DPP6: variants seen among roughly 807,000 people sequenced by gnomAD.
The protein encoded by DPP6 is A-type potassium channel modulatory protein DPP6.
Under a neutral mutation model 122.6 loss-of-function variants are expected in DPP6, and 69 were observed. The ratio of observed to expected loss-of-function variants is 0.56; its 90% CI spans 0.46 to 0.69. The LOEUF is 0.69. Among genes scored for constraint, DPP6 ranks in the 30% least tolerant of loss-of-function variants. The probability of loss-of-function intolerance (pLI) is 0.00; values close to 1 mark genes in which losing one functional copy is unlikely to be tolerated. For missense variants in DPP6, 928 were observed against 1,116.9 expected, an observed-to-expected ratio of 0.83 and a Z score of 2.41; for synonymous variants, 418 against 433.1, an observed-to-expected ratio of 0.97 and a Z score of 0.43.
intron 1 of DPP6, among the ~76,000 whole-genome samples, chr7:154,374,583 G>T (rs1812955604): frequency 1.4e-5 from 2 of 146,426 alleles, no homozygotes; most frequent in African/African-American, 2.5e-5. Context: ...TTTCTTTTCT[G>T]TTTATTTTTT....
chr7:154,762,822 A>T (rs906576874), intron 8 of DPP6, among the ~76,000 whole-genome samples: 3 of 152,346 alleles, frequency 2.0e-5, no homozygotes, highest in African/African-American at 7.2e-5. Flanking sequence ...ACAAGTTTTG[A>T]ATTCTGGGAT....
At chr7:154,037,479 AAAG>A (rs1563121952) in intron 1 of DPP6, among the ~76,000 whole-genome samples, 2 of 147,228 alleles carry the variant, frequency 1.4e-5, no homozygotes, top group Non-Finnish European at 3.0e-5. Flanking sequence ...CTGTAATTAA[AAAG>A]AACACTTAAT....
chr7:154,691,242 C>T (rs1248417698), intron 7 of DPP6, among the ~76,000 whole-genome samples: 2 of 152,138 alleles, frequency 1.3e-5, no homozygotes, highest in South Asian at 2.1e-4. Context: ...GGACATTGCT[C>T]TGTTTTCAAT....
chr7:153,863,070 A>G, the DPP6 span, among the ~76,000 whole-genome samples: 1 of 152,336 alleles, frequency 6.6e-6, no homozygotes, highest in Non-Finnish European at 1.5e-5. Flanking sequence ...TACTTAAACC[A>G]TATAAATGTA....
intron 10 of DPP6, among the ~76,000 whole-genome samples, chr7:154,793,334 A>G (rs908010915): frequency 3.3e-5 from 5 of 152,098 alleles, no homozygotes; most frequent in Non-Finnish European, 7.4e-5. Flanking sequence ...CTTAAATGTA[A>G]AATTGTATTT....
chr7:154,545,851 C>T (rs1237639334), intron 4 of DPP6, among the ~76,000 whole-genome samples: 2 of 152,252 alleles, frequency 1.3e-5, no homozygotes, highest in East Asian at 1.9e-4. Context: ...ACTGTATTGA[C>T]CTGTGTCACT....
chr7:153,866,281 T>C, the DPP6 span, among the ~76,000 whole-genome samples: 1,016 of 152,238 alleles, frequency 6.7e-3, 9 homozygotes, highest in African/African-American at 0.023. Flanking sequence ...AGTGTAAAAG[T>C]GTTCCTATTT....
chr7:154,886,489 CT>C (rs1389374115), intron 22 of DPP6, among the ~76,000 whole-genome samples: 1 of 152,210 alleles, frequency 6.6e-6, no homozygotes, highest in African/African-American at 2.4e-5. Flanking sequence ...TCACCCAACC[CT>C]TTTTCTCTGA....
intron 1 of DPP6, among the ~76,000 whole-genome samples, chr7:154,013,390 G>A (rs1249570292): frequency 3.3e-5 from 5 of 151,152 alleles, no homozygotes; most frequent in African/African-American, 1.2e-4. Flanking sequence ...GAAGCCCAAG[G>A]TAAATAATAA....
intron 1 of DPP6, among the ~76,000 whole-genome samples, chr7:154,207,720 C>T (rs1799521290): frequency 6.6e-6 from 1 of 152,222 alleles, no homozygotes; most frequent in Non-Finnish European, 1.5e-5. Flanking sequence ...TCTTCCAATA[C>T]ATACTATCTT....
At chr7:154,223,710 G>A (rs1205498430) in intron 1 of DPP6, among the ~76,000 whole-genome samples, 1 of 149,452 alleles carries the variant, frequency 6.7e-6, no homozygotes, top group Non-Finnish European at 1.5e-5. Context: ...CCCTAGTCCT[G>A]CAGGGCGTGG....
chr7:154,147,775 C>T (rs866277337), intron 1 of DPP6, among the ~76,000 whole-genome samples: 2,303 of 142,052 alleles, frequency 0.016, 26 homozygotes, highest in African/African-American at 0.057. Flanking sequence ...AACTCCTGAT[C>T]TCAGGTGATC....
intron 1 of DPP6, among the ~76,000 whole-genome samples, chr7:154,262,589 G>A (rs932997986): frequency 1.4e-5 from 2 of 145,548 alleles, no homozygotes; most frequent in Non-Finnish European, 3.0e-5. Context: ...AAGCCACTAA[G>A]TTTGTGGAAA....
At chr7:154,067,907 G>C (rs76920357) in intron 1 of DPP6, among the ~76,000 whole-genome samples, 1 of 142,456 alleles carries the variant, frequency 7.0e-6, no homozygotes, top group Admixed American at 6.8e-5. Flanking sequence ...GTTTTTTTTT[G>C]TTTTTTTTTT....
chr7:153,939,836 A>G (rs878963256), intron 1 of DPP6, among the ~76,000 whole-genome samples: 7 of 152,230 alleles, frequency 4.6e-5, no homozygotes, highest in Admixed American at 4.6e-4. Context: ...AACCAGATGG[A>G]AGCTACACAG....
intron 6 of DPP6, among the ~76,000 whole-genome samples, chr7:154,664,853 T>C (rs1838047710): frequency 1.3e-5 from 2 of 152,214 alleles, no homozygotes; most frequent in African/African-American, 4.8e-5. Flanking sequence ...TCTCCCATAT[T>C]TCTCATGTCA....
intron 7 of DPP6, among the ~76,000 whole-genome samples, chr7:154,704,192 T>A (rs1427369908): frequency 6.6e-6 from 1 of 152,178 alleles, no homozygotes; most frequent in Non-Finnish European, 1.5e-5. Context: ...GCAGATGTGA[T>A]AAAAACAGCA....
At chr7:154,512,736 T>A (rs1826188169) in intron 3 of DPP6, among the ~76,000 whole-genome samples, 1 of 152,222 alleles carries the variant, frequency 6.6e-6, no homozygotes, top group African/African-American at 2.4e-5. Context: ...AAGTTCTTAC[T>A]GAGAAGGATG....
At position 154,879,588 on chromosome 7, in the gene DPP6, CAAAAAAAAAAAAAAA is replaced by C. The variant is rs778157355; in HGVS notation, c.2079-1292_2079-1278del. Among the ~76,000 whole-genome samples, 3 of 41,614 alleles carry C rather than the reference CAAAAAAAAAAAAAAA, an allele frequency of 7.2e-5. No homozygotes were observed. The South Asian group carries it at 3.2e-3, about 45-fold the overall frequency. The allele number at this position is 41,614 out of a possible 152,430, so 27.3% of individuals were successfully genotyped here. ...CCTGGGCGACAGCGAGACTCCGTCT[CAAAAAAAAAAAAAAA>C]AAAAAAACACAAAAATCAGCCAGGT... On this transcript the variant is annotated intron_variant, in intron 20 of 25. Coordinates refer to ENST00000377770, the MANE Select transcript of DPP6 (RefSeq NM_130797.4).
Sources: allele counts gnomAD v4.1 joint callset (sites outside exome capture counted in the v4.1 genomes callset), GRCh38; gene constraint gnomAD v4.1.1; transcripts MANE v1.5; gene names NCBI Gene and HGNC (gene_info 2026-07-23, HGNC 2026-07-21).